The following NAA35 variants were observed in gnomAD, a reference collection of about 807,000 sequenced individuals.
The protein encoded by NAA35 is N-alpha-acetyltransferase 35, NatC auxiliary subunit.
Under a neutral mutation model 101.7 loss-of-function variants are expected in NAA35, and 18 were observed. That is an observed-to-expected ratio of 0.18 (90% CI 0.12 to 0.26). The LOEUF (loss-of-function observed/expected upper bound fraction) is 0.26. NAA35 is among the 10% of genes least tolerant of loss of function. The pLI, the probability that NAA35 is intolerant of heterozygous loss-of-function variation, is 1.00. For synonymous variants in NAA35, 267 were observed against 273.1 expected (o/e 0.98, Z 0.22); for missense variants, 601 against 886.8 (o/e 0.68, Z 4.09).
chr9:85,998,379 A>T (rs541066293), intron 12 of NAA35, among the ~76,000 whole-genome samples: 2 of 152,300 alleles, frequency 1.3e-5, no homozygotes, highest in South Asian at 4.1e-4. Context: ...CATTTTAAGC[A>T]TATATTACAG....
At chr9:86,006,566 G>A (rs757153277) in intron 13 of NAA35, among the ~76,000 whole-genome samples, 26 of 152,152 alleles carry the variant, frequency 1.7e-4, no homozygotes, top group Admixed American at 4.6e-4. Context: ...ATATGATTTC[G>A]TTTTAATGAC....
chr9:85,959,564 TTTTA>T (rs1158876407), intron 4 of NAA35, among the ~76,000 whole-genome samples: 8 of 152,198 alleles, frequency 5.3e-5, no homozygotes, highest in African/African-American at 1.9e-4. Context: ...GATATATTGT[TTTTA>T]CAATTATTAT....
At chr9:85,999,376 A>G (rs1242195440) in intron 12 of NAA35, among the ~76,000 whole-genome samples, 1 of 152,234 alleles carries the variant, frequency 6.6e-6, no homozygotes, top group African/African-American at 2.4e-5. Flanking sequence ...AGTAAAATCA[A>G]CCTGTAAACC....
At chr9:85,973,485 T>A (rs1036199142) in intron 6 of NAA35, among the ~76,000 whole-genome samples, 1 of 152,106 alleles carries the variant, frequency 6.6e-6, no homozygotes, top group Non-Finnish European at 1.5e-5. Flanking sequence ...TGAAAAGTAG[T>A]TAGACTAGAA....
At chr9:85,997,634 C>T (rs1239737063) in intron 12 of NAA35, among the ~76,000 whole-genome samples, 1 of 152,034 alleles carries the variant, frequency 6.6e-6, no homozygotes, top group African/African-American at 2.4e-5. Context: ...TGAGTCACTG[C>T]ACCCGGTCAA....
In NAA35 at chr9:85,947,640, A is replaced by G. The variant is rs376724901; in HGVS notation, c.124+5357A>G. 1.2e-3 allele frequency among the ~76,000 whole-genome samples: 178 copies of G among 152,330 alleles called. 10 individuals are homozygous for G. The South Asian group carries it at 0.029, about 25-fold the overall frequency. ...GACATTTTTGATTGTCACAGTGTCT[A>G]TGAGGTGGTGCTACTGGCATCTAAC... On this transcript the variant is annotated intron_variant, in intron 2 of 22. Transcript: ENST00000361671.
intron 16 of NAA35, among the ~76,000 whole-genome samples, 192 bp downstream of exon 16, chr9:86,013,336 C>A (rs1276636434): frequency 6.6e-6 from 1 of 152,086 alleles, no homozygotes; most frequent in Admixed American, 6.6e-5. Context: ...TGATAGATAT[C>A]TTAAATATTT....
chr9:86,011,450 C>T (rs1469871343), intron 15 of NAA35, among the ~76,000 whole-genome samples: 1 of 150,958 alleles, frequency 6.6e-6, no homozygotes, highest in East Asian at 2.0e-4. Context: ...CCTCTACCCC[C>T]TGGGTTCAAG....
Position 85,976,215 on chromosome 9 carries a change from A to G in NAA35, c.628-470A>G, listed in dbSNP as rs17051522. ...GTAGTACCACCCTGGTATTTGGTCA[A>G]ATAAAATTGTCCACTATAACATTTG... On this transcript the variant is annotated intron_variant, in intron 8 of 22. Transcript: ENST00000361671. Among the ~76,000 whole-genome samples the G allele has an allele frequency of 8.3e-3, 1,270 of 152,320 alleles. 24 individuals are homozygous for G. The highest frequency in any genetic ancestry group is 0.029 in the African/African-American group (1,224 of 41,582).
intron 6 of NAA35, among the ~76,000 whole-genome samples, chr9:85,964,021 A>G (rs1362414649): frequency 6.6e-6 from 1 of 152,102 alleles, no homozygotes; most frequent in Admixed American, 6.5e-5. Context: ...GTTGGCAAAG[A>G]TTAGAAATTT....
chr9:85,962,815 T>C (rs190115516), intron 6 of NAA35, among the ~76,000 whole-genome samples: 10 of 152,274 alleles, frequency 6.6e-5, no homozygotes, highest in East Asian at 1.9e-4. Flanking sequence ...CTCAAGTCTC[T>C]TAGAAGTTAT....
chr9:86,006,161 C>A (rs1831633937), intron 13 of NAA35, among the ~76,000 whole-genome samples: 1 of 151,612 alleles, frequency 6.6e-6, no homozygotes, highest in South Asian at 2.1e-4. Flanking sequence ...CAGAGCGAGA[C>A]CCCATCTCAA....
intron 13 of NAA35, among the ~76,000 whole-genome samples, chr9:86,006,894 TAAAAC>T (rs1369470829): frequency 6.6e-6 from 1 of 152,240 alleles, no homozygotes; most frequent in East Asian, 1.9e-4. Context: ...GAAAGGAAAT[TAAAAC>T]AAATTATTAA....
rs938655738 is a variant in NAA35, at chr9:86,003,667, A to G, written c.1116+23A>G. On this transcript the variant is annotated intron_variant, in intron 13 of 22. Coordinates refer to ENST00000361671, the MANE Select transcript of NAA35 (RefSeq NM_024635.4). ...CAAGTAAGTTCCACTTAGTATCAAA[A>G]TACTTATTTAAACATTATATGTGTA... 4.2e-6 allele frequency: 6 copies of G among 1,437,140 alleles called. No homozygotes were observed. The African/African-American group carries it at 5.6e-5, about 14-fold the overall frequency. 89.0% of individuals were successfully genotyped at this position (1,437,140 alleles called of 1,614,324 possible).
intron 11 of NAA35, among the ~76,000 whole-genome samples, chr9:85,988,136 C>T (rs1410543321): frequency 6.6e-6 from 1 of 152,188 alleles, no homozygotes; most frequent in African/African-American, 2.4e-5. Flanking sequence ...GTCAATGAGG[C>T]CTCCAGCTAG....
chr9:85,958,798 G>C (rs1048429836), intron 4 of NAA35, among the ~76,000 whole-genome samples: 2 of 152,074 alleles, frequency 1.3e-5, no homozygotes, highest in Non-Finnish European at 2.9e-5. Flanking sequence ...GTGCATTTGT[G>C]TACTTTTAAA....
At chr9:86,011,502 G>T (rs1270660191) in intron 15 of NAA35, among the ~76,000 whole-genome samples, 1 of 150,822 alleles carries the variant, frequency 6.6e-6, no homozygotes, top group Non-Finnish European at 1.5e-5. Context: ...GAGACTACAG[G>T]CTCATGGCAC....
chr9:86,020,828 A>G, intron 21 of NAA35, 61 bp from the exon 22 acceptor site: 2 of 1,397,940 alleles, frequency 1.4e-6, no homozygotes, highest in East Asian at 2.3e-5. Flanking sequence ...GTCTCAAAAA[A>G]GAAAAAGAGA....
intron 8 of NAA35, among the ~76,000 whole-genome samples, chr9:85,976,458 G>A (rs897779440): frequency 2.0e-5 from 3 of 151,994 alleles, no homozygotes; most frequent in Non-Finnish European, 4.4e-5. Flanking sequence ...TTTGCTGTTT[G>A]AATACTTAAT....
Sources: gnomAD v4.1 joint callset for allele counts (sites outside exome capture counted in the v4.1 genomes callset) on GRCh38, gnomAD v4.1.1 for gene constraint, MANE v1.5 for transcripts, NCBI Gene and HGNC (gene_info 2026-07-23, HGNC 2026-07-21) for gene names.